PARD3: variants seen among roughly 807,000 people sequenced by gnomAD.
The protein encoded by PARD3 is partitioning defective 3 homolog.
Under a neutral mutation model 155.4 loss-of-function variants are expected in PARD3, and 75 were observed. The ratio of observed to expected loss-of-function variants is 0.48; its 90% CI spans 0.40 to 0.58. The LOEUF is 0.58. PARD3 is among the 20% of genes least tolerant of loss of function. The probability of loss-of-function intolerance (pLI) is 0.00; values close to 1 mark genes in which losing one functional copy is unlikely to be tolerated. For missense variants in PARD3, 1,642 were observed against 1,721.7 expected (o/e 0.95, Z 0.82); for synonymous variants, 576 against 610.5 (o/e 0.94, Z 0.83).
chr10:34,610,824 A>G (rs1000069811), intron 2 of PARD3, among the ~76,000 whole-genome samples: 1 of 152,192 alleles, frequency 6.6e-6, no homozygotes, highest in Non-Finnish European at 1.5e-5. Flanking sequence ...AACAATTAGA[A>G]GTACCCACAG....
chr10:34,573,670 G>GCA (rs1428466253), intron 2 of PARD3, among the ~76,000 whole-genome samples: 1 of 151,800 alleles, frequency 6.6e-6, no homozygotes, highest in Admixed American at 6.6e-5. Context: ...TCATGCCACT[G>GCA]CACTCCAGCC....
chr10:34,399,305 A>G lies in PARD3; in HGVS notation c.890+25T>C, dbSNP rs746349474. The G allele has an allele frequency of 2.1e-5, 30 of 1,410,448 alleles. No individual in the cohort carries two copies. In the East Asian group the frequency reaches 4.3e-4, roughly 20 times the overall value. The allele number at this position is 1,410,448 out of a possible 1,614,324, so 87.4% of individuals were successfully genotyped here. A position where few individuals can be genotyped will look rare whatever the true frequency, so the allele number is the denominator to read the frequency against. ...ATAAAACACTCTACATTATGATTCA[A>G]TTAAAAACCTCCAAGATACGTTACC... On this transcript the variant is annotated intron_variant, in intron 7 of 24. Coordinates refer to ENST00000374788, the MANE Select transcript of PARD3 (RefSeq NM_001184785.2).
intron 1 of PARD3, among the ~76,000 whole-genome samples, chr10:34,701,897 T>A (rs1230311006): frequency 1.3e-5 from 2 of 152,144 alleles, no homozygotes; most frequent in African/African-American, 2.4e-5. Flanking sequence ...GTGTGGTGGC[T>A]TACGCCTGTA....
intron 22 of PARD3, among the ~76,000 whole-genome samples, chr10:34,179,193 CACACACAT>C (rs1385619475): frequency 1.1e-4 from 17 of 148,596 alleles, no homozygotes; most frequent in Admixed American, 4.0e-4. Flanking sequence ...CACACACACA[CACACACAT>C]ATAAAATTTA....
At chr10:34,622,864 CATATTA>C (rs2091770231) in intron 2 of PARD3, among the ~76,000 whole-genome samples, 1 of 145,074 alleles carries the variant, frequency 6.9e-6, no homozygotes, top group African/African-American at 2.6e-5. Flanking sequence ...GGCCATATTC[CATATTA>C]ATATTATTTC....
At chr10:34,210,286 G>T (rs1951681002) in intron 22 of PARD3, among the ~76,000 whole-genome samples, 1 of 152,140 alleles carries the variant, frequency 6.6e-6, no homozygotes, top group African/African-American at 2.4e-5. Flanking sequence ...AGAGTATGAG[G>T]AATATTTGAG....
At chr10:34,364,639 G>A (rs192886664) in intron 12 of PARD3, among the ~76,000 whole-genome samples, 4 of 152,132 alleles carry the variant, frequency 2.6e-5, no homozygotes, top group Admixed American at 2.6e-4. Context: ...TTGATATGTT[G>A]CCCATGCTGG....
intron 1 of PARD3, among the ~76,000 whole-genome samples, chr10:34,724,340 C>CTA (rs2094662001): frequency 6.6e-6 from 1 of 152,148 alleles, no homozygotes; most frequent in Non-Finnish European, 1.5e-5. Flanking sequence ...ATACAAGCAC[C>CTA]TACCCTCTTG....
intron 15 of PARD3, chr10:34,343,505 AT>A (rs1837052651): frequency 2.0e-6 from 2 of 985,058 alleles, no homozygotes; most frequent in Admixed American, 6.1e-5. Context: ...ATAATTTAGC[AT>A]TTTTTTCTCA....
chr10:34,293,166 A>C (rs1219709761), intron 20 of PARD3, among the ~76,000 whole-genome samples: 3 of 152,236 alleles, frequency 2.0e-5, no homozygotes, highest in African/African-American at 7.2e-5. Context: ...CACTGAAATA[A>C]TACATATAAT....
chr10:34,315,124 A>G (rs1957931459), intron 20 of PARD3, among the ~76,000 whole-genome samples: 1 of 152,194 alleles, frequency 6.6e-6, no homozygotes, highest in Non-Finnish European at 1.5e-5. Context: ...TCTTTATCAT[A>G]AAGCTGGCTT....
chr10:34,282,251 A>G (rs1455865123), intron 21 of PARD3, among the ~76,000 whole-genome samples: 1 of 152,126 alleles, frequency 6.6e-6, no homozygotes, highest in African/African-American at 2.4e-5. Flanking sequence ...TTAAATTATG[A>G]GCCTAATTGA....
At chr10:34,301,822 T>TTC (rs1564563001) in intron 20 of PARD3, among the ~76,000 whole-genome samples, 2 of 122,570 alleles carry the variant, frequency 1.6e-5, no homozygotes, top group East Asian at 2.0e-4. Context: ...TCCTTTCTTT[T>TTC]TTTTTTTTTT....
At chr10:34,523,659 C>T (rs2082294772) in intron 2 of PARD3, among the ~76,000 whole-genome samples, 1 of 151,902 alleles carries the variant, frequency 6.6e-6, no homozygotes, top group Non-Finnish European at 1.5e-5. Context: ...GGCAGATGTG[C>T]CTATAAAGAA....
chr10:34,796,956 G>A (rs1842326834), intron 1 of PARD3, among the ~76,000 whole-genome samples: 1 of 152,324 alleles, frequency 6.6e-6, no homozygotes, highest in South Asian at 2.1e-4. Flanking sequence ...CTGCACTCCA[G>A]CCTGGATGGC....
At chr10:34,252,645 A>C (rs1265213668) in intron 22 of PARD3, among the ~76,000 whole-genome samples, 1 of 152,128 alleles carries the variant, frequency 6.6e-6, no homozygotes, top group Non-Finnish European at 1.5e-5. Context: ...TGCCTGCATG[A>C]AGCATCATTG....
At chr10:34,758,695 A>T (rs1326230423) in intron 1 of PARD3, among the ~76,000 whole-genome samples, 1 of 152,220 alleles carries the variant, frequency 6.6e-6, no homozygotes, top group Admixed American at 6.5e-5. Flanking sequence ...AGTTTGGATT[A>T]ATTTCACTTT....
At position 34,382,669 on chromosome 10, in the gene PARD3, T is replaced by C. The variant is rs1231840704; in HGVS notation, c.1270A>G (p.Ser424Gly). Residue 424 changes from serine (S) to glycine (G), a missense_variant, in exon 9 of 25, where the codon AGC becomes GGC. Ser to Gly is a moderately conservative substitution (Grantham distance 56, BLOSUM62 0). Transcript: ENST00000374788. ...QIDSHSRLPH[S>G]AHPSGKPPSA... ...GGTGGTTTTCCCGAGGGGTGTGCGC[T>C]ATGAGGTAGTCTTGAGTGAGAGTCT... is the stretch of plus-strand genomic sequence containing the variant. 6.2e-7 allele frequency: 1 copy of C among 1,614,042 alleles called. No individual in the cohort carries two copies. Among genetic ancestry groups the C allele is most frequent in the Non-Finnish European group, 8.5e-7 (1 of 1,180,050 alleles).
intron 22 of PARD3, among the ~76,000 whole-genome samples, chr10:34,210,522 C>T (rs1015233237): frequency 1.3e-5 from 2 of 152,112 alleles, no homozygotes; most frequent in African/African-American, 2.4e-5. Flanking sequence ...GTGTTATGAC[C>T]TTTCTACTTA....
Sources: gnomAD v4.1 joint callset for allele counts (sites outside exome capture counted in the v4.1 genomes callset) on GRCh38, gnomAD v4.1.1 for gene constraint, MANE v1.5 for transcripts, NCBI Gene and HGNC (gene_info 2026-07-23, HGNC 2026-07-21) for gene names.